Variants in CDK19 observed in about 807,000 individuals in gnomAD.
CDK19 encodes cyclin-dependent kinase 19.
Under a neutral mutation model 68.3 loss-of-function variants are expected in CDK19, and 20 were observed. The ratio of observed to expected loss-of-function variants is 0.29; its 90% confidence interval spans 0.21 to 0.43. The LOEUF is 0.43. Ranked by LOEUF, CDK19 falls within the 20% of genes least tolerant of loss-of-function variation. The pLI is 1.00. For synonymous variants in CDK19, 221 were observed against 222.8 expected (o/e 0.99, Z 0.07); for missense variants, 339 against 623.5 (o/e 0.54, Z 4.86).
chr6:110,704,412 T>G (rs941613250), intron 2 of CDK19, among the ~76,000 whole-genome samples: 3 of 152,038 alleles, frequency 2.0e-5, no homozygotes, highest in Non-Finnish European at 4.4e-5. Flanking sequence ...TTTATCCAAC[T>G]CTCCACCCCT....
intron 4 of CDK19, among the ~76,000 whole-genome samples, chr6:110,644,302 A>G (rs1780399375): frequency 6.6e-6 from 1 of 152,100 alleles, no homozygotes. Flanking sequence ...AAAAAAAAAA[A>G]AAAATTAAAA....
At chr6:110,795,837 T>G (rs1432852786) in intron 1 of CDK19, among the ~76,000 whole-genome samples, 1 of 151,822 alleles carries the variant, frequency 6.6e-6, no homozygotes, top group African/African-American at 2.4e-5. Flanking sequence ...AAAAATCAAG[T>G]TCTTAAAAAA....
chr6:110,673,680 A>T (rs1421469060), intron 2 of CDK19, among the ~76,000 whole-genome samples: 1 of 152,254 alleles, frequency 6.6e-6, no homozygotes, highest in Non-Finnish European at 1.5e-5. Context: ...TATCAATATT[A>T]GAAATACTTC....
At chr6:110,769,891 A>G (rs1273165511) in intron 1 of CDK19, among the ~76,000 whole-genome samples, 2 of 152,188 alleles carry the variant, frequency 1.3e-5, no homozygotes, top group African/African-American at 4.8e-5. Flanking sequence ...AGTGATGAAA[A>G]TGGCCAACTA....
intron 9 of CDK19, 63 bp from the exon 10 acceptor site, chr6:110,622,975 C>A: frequency 1.0e-6 from 1 of 983,862 alleles, no homozygotes; most frequent in East Asian, 2.4e-5. Context: ...AACACCTTGT[C>A]TTTTGTATTA....
intron 2 of CDK19, among the ~76,000 whole-genome samples, chr6:110,707,323 G>A (rs1774594674): frequency 6.6e-6 from 1 of 151,944 alleles, no homozygotes; most frequent in Non-Finnish European, 1.5e-5. Context: ...GTGACAGAGG[G>A]AGCCTCTGTC....
At chr6:110,765,441 G>A (rs1377942424) in intron 1 of CDK19, among the ~76,000 whole-genome samples, 2 of 152,118 alleles carry the variant, frequency 1.3e-5, no homozygotes, top group South Asian at 2.1e-4. Context: ...CACTTTGGGA[G>A]GCCGAGGCGG....
At chr6:110,809,071 C>T (rs904584185) in intron 1 of CDK19, among the ~76,000 whole-genome samples, 29 of 151,630 alleles carry the variant, frequency 1.9e-4, no homozygotes, top group African/African-American at 6.3e-4. Flanking sequence ...AAAAATTAGC[C>T]GGGCATGGTG....
chr6:110,619,144 T>C (rs965287570), intron 12 of CDK19, among the ~76,000 whole-genome samples: 5 of 152,190 alleles, frequency 3.3e-5, no homozygotes, highest in Non-Finnish European at 5.9e-5. Context: ...TTAATAGATA[T>C]GTTGGAAGGT....
At chr6:110,675,240 A>G (rs1359717211) in intron 2 of CDK19, among the ~76,000 whole-genome samples, 1 of 152,246 alleles carries the variant, frequency 6.6e-6, no homozygotes. Flanking sequence ...TTCAAAGGAC[A>G]GGCTGACTAT....
intron 1 of CDK19, among the ~76,000 whole-genome samples, chr6:110,786,227 CTT>C (rs1212157748): frequency 3.9e-5 from 6 of 152,106 alleles, no homozygotes; most frequent in Non-Finnish European, 1.5e-5. Context: ...TCTTGTGTGT[CTT>C]TTTCCTCATC....
At chr6:110,681,755 A>G (rs79137173) in intron 2 of CDK19, among the ~76,000 whole-genome samples, 4,153 of 152,332 alleles carry the variant, frequency 0.027, 82 homozygotes, top group South Asian at 0.082. Flanking sequence ...TAAGTAGACC[A>G]TTATTTTCCT....
intron 12 of CDK19, among the ~76,000 whole-genome samples, chr6:110,619,304 A>G (rs1778560787): frequency 6.6e-6 from 1 of 152,220 alleles, no homozygotes; most frequent in Non-Finnish European, 1.5e-5. Context: ...ATTGACTACA[A>G]TTGGGTGACA....
At chr6:110,809,813 C>A (rs9487531) in intron 1 of CDK19, among the ~76,000 whole-genome samples, 2,048 of 152,220 alleles carry the variant, frequency 0.013, 49 homozygotes, top group African/African-American at 0.047. Context: ...AGGCACTGGA[C>A]AGAATGATGA....
At chr6:110,632,198 T>C (rs768191011) in intron 5 of CDK19, 37 bp from the exon 6 acceptor site, 2 of 1,521,728 alleles carry the variant, frequency 1.3e-6, no homozygotes, top group Non-Finnish European at 1.8e-6. Context: ...AAATTCAGTT[T>C]GATTGTTTCT....
At chr6:110,745,014 C>T (rs1777973251) in intron 2 of CDK19, among the ~76,000 whole-genome samples, 1 of 152,090 alleles carries the variant, frequency 6.6e-6, no homozygotes, top group Admixed American at 6.6e-5. Context: ...AATTATTTAA[C>T]AATTATTAAG....
At chr6:110,686,266 C>G (rs550064607) in intron 2 of CDK19, among the ~76,000 whole-genome samples, 7 of 152,240 alleles carry the variant, frequency 4.6e-5, no homozygotes, top group African/African-American at 1.7e-4. Flanking sequence ...GAAACCTAAC[C>G]TAGTCACGAA....
chr6:110,630,937 T>TA (rs1779400808), intron 6 of CDK19, among the ~76,000 whole-genome samples: 1 of 152,242 alleles, frequency 6.6e-6, no homozygotes, highest in South Asian at 2.1e-4. Flanking sequence ...AATGAGGACT[T>TA]ACTATATTTT....
rs1480503195 is a variant in CDK19 at position 110,719,545 on chromosome 6, A to G, written c.204+26581T>C. ...ACTCAAAAAATAAATAAATAAATCT[A>G]AACATATGAATAAATACATTCATGT... is the stretch of plus-strand genomic sequence containing the variant. On this transcript the variant is annotated intron_variant, in intron 2 of 12. Transcript: ENST00000368911. Among the ~76,000 whole-genome samples, 4 of 152,128 alleles carry G rather than the reference A, an allele frequency of 2.6e-5. No homozygotes were observed. In the East Asian group the frequency reaches 7.7e-4, roughly 29 times the overall value.
Sources: allele counts gnomAD v4.1 joint callset (sites outside exome capture counted in the v4.1 genomes callset), GRCh38; gene constraint gnomAD v4.1.1; transcripts MANE v1.5; gene names NCBI Gene and HGNC (gene_info 2026-07-23, HGNC 2026-07-21).